PTPRD: variants seen among roughly 807,000 people sequenced by gnomAD.
PTPRD encodes the protein protein tyrosine phosphatase receptor type D, also known as receptor-type tyrosine-protein phosphatase delta.
Under a neutral mutation model 214.5 loss-of-function variants are expected in PTPRD, and 34 were observed. The observed-to-expected ratio is 0.16, with a 90% CI of 0.12 to 0.21. The LOEUF (loss-of-function observed/expected upper bound fraction) is 0.21, where lower values mean the gene tolerates loss of function less well. Among genes scored for constraint, PTPRD ranks in the 10% least tolerant of loss-of-function variants. PTPRD has a pLI of 1.00. For missense variants in PTPRD, 2,545 were observed against 2,398.7 expected (o/e 1.06, Z -1.27); for synonymous variants, 1,128 against 845.7 (o/e 1.33, Z -5.79).
Position 8,707,015 on chromosome 9 carries a change from C to T in PTPRD, c.64+26765G>A, listed in dbSNP as rs113805696. On this transcript the variant is annotated intron_variant, in intron 12 of 45. Coordinates refer to ENST00000381196, the MANE Select transcript of PTPRD (RefSeq NM_002839.4). ...CTGAGTTTTACTATTTTATTACTTC[C>T]TTTAGCAGGGATCAGCTCCAATCAA... 5.4e-3 allele frequency among the ~76,000 whole-genome samples: 817 copies of T among 152,250 alleles called. 5 individuals carry two copies. Among genetic ancestry groups the T allele is most frequent in the African/African-American group, 0.019 (793 of 41,548 alleles).
intron 2 of PTPRD, among the ~76,000 whole-genome samples, chr9:10,354,091 C>G (rs1312865511): frequency 1.3e-5 from 2 of 152,034 alleles, no homozygotes; most frequent in African/African-American, 4.8e-5. Flanking sequence ...ACATTATCCT[C>G]CTACCCTCTC....
intron 2 of PTPRD, among the ~76,000 whole-genome samples, chr9:10,409,006 A>T (rs888737060): frequency 5.9e-5 from 9 of 151,782 alleles, no homozygotes; most frequent in Non-Finnish European, 1.3e-4. Context: ...ATAGATCAGG[A>T]ATTGTCAAGC....
chr9:8,950,607 A>G (rs1337507105), intron 11 of PTPRD, among the ~76,000 whole-genome samples: 1 of 152,172 alleles, frequency 6.6e-6, no homozygotes, highest in East Asian at 1.9e-4. Flanking sequence ...ATACAATAAT[A>G]TATAGGACTC....
intron 11 of PTPRD, among the ~76,000 whole-genome samples, chr9:8,803,138 A>T (rs1336784419): frequency 1.3e-5 from 2 of 152,194 alleles, no homozygotes; most frequent in South Asian, 2.1e-4. Flanking sequence ...TACACAAGAT[A>T]ACGCATGTAA....
chr9:9,788,632 G>A (rs1364219920), intron 5 of PTPRD, among the ~76,000 whole-genome samples: 3 of 151,222 alleles, frequency 2.0e-5, no homozygotes, highest in African/African-American at 7.3e-5. Flanking sequence ...TTTAAATCCC[G>A]TAGACACAGT....
chr9:10,398,618 T>C (rs1458213250), intron 2 of PTPRD, among the ~76,000 whole-genome samples: 1 of 151,992 alleles, frequency 6.6e-6, no homozygotes, highest in African/African-American at 2.4e-5. Context: ...TCTTCCATAA[T>C]GCTTCTTATA....
At chr9:8,911,375 G>A (rs2098745987) in intron 11 of PTPRD, among the ~76,000 whole-genome samples, 1 of 147,522 alleles carries the variant, frequency 6.8e-6, no homozygotes, top group Non-Finnish European at 1.5e-5. Flanking sequence ...TGGGTTGGGA[G>A]AACTGGATGC....
intron 11 of PTPRD, among the ~76,000 whole-genome samples, chr9:8,990,269 G>A (rs2099361208): frequency 6.6e-6 from 1 of 152,172 alleles, no homozygotes; most frequent in Non-Finnish European, 1.5e-5. Context: ...GTCCCACTTA[G>A]AAATAGCCAT....
chr9:9,030,858 A>T (rs1259492408), intron 10 of PTPRD, among the ~76,000 whole-genome samples: 8 of 151,960 alleles, frequency 5.3e-5, no homozygotes, highest in African/African-American at 1.9e-4. Flanking sequence ...TCTATTTTCC[A>T]TACTTAAATC....
intron 39 of PTPRD, among the ~76,000 whole-genome samples, chr9:8,360,659 T>C (rs1342065727): frequency 6.6e-6 from 1 of 152,236 alleles, no homozygotes; most frequent in Non-Finnish European, 1.5e-5. Flanking sequence ...TATTTATATA[T>C]ACATTTTATT....
chr9:9,715,699 T>G (rs977942878), intron 7 of PTPRD, among the ~76,000 whole-genome samples: 5 of 152,186 alleles, frequency 3.3e-5, no homozygotes, highest in African/African-American at 1.2e-4. Flanking sequence ...TATTTGTTCC[T>G]AACAATGAGC....
intron 3 of PTPRD, among the ~76,000 whole-genome samples, chr9:10,293,954 G>A (rs1223810673): frequency 6.6e-6 from 1 of 151,878 alleles, no homozygotes; most frequent in Admixed American, 6.6e-5. Context: ...TATGCCTTCT[G>A]CAAACCCACA....
intron 14 of PTPRD, among the ~76,000 whole-genome samples, chr9:8,604,660 T>C (rs2095093519): frequency 6.6e-6 from 1 of 152,132 alleles, no homozygotes; most frequent in Non-Finnish European, 1.5e-5. Flanking sequence ...CAGATAAATA[T>C]AGCATGAAAA....
intron 3 of PTPRD, among the ~76,000 whole-genome samples, chr9:10,172,501 T>A (rs1457322945): frequency 1.3e-5 from 2 of 152,362 alleles, no homozygotes; most frequent in East Asian, 3.9e-4. Flanking sequence ...TGTTCTAACA[T>A]CTAACCACTT....
chr9:8,585,981 G>C (rs2093622167), intron 14 of PTPRD, among the ~76,000 whole-genome samples: 1 of 148,976 alleles, frequency 6.7e-6, no homozygotes, highest in Admixed American at 6.7e-5. Context: ...ACAATTTGTG[G>C]ATTTAACAAT....
intron 8 of PTPRD, among the ~76,000 whole-genome samples, chr9:9,503,885 T>A (rs910846471): frequency 2.0e-5 from 3 of 151,792 alleles, no homozygotes; most frequent in African/African-American, 4.8e-5. Context: ...AAAAAAATAC[T>A]TCTGAGAGGA....
chr9:9,605,174 C>A (rs746431530), intron 7 of PTPRD, among the ~76,000 whole-genome samples: 10 of 152,026 alleles, frequency 6.6e-5, no homozygotes, highest in Non-Finnish European at 1.0e-4. Context: ...GTCTACATGG[C>A]AATTCTGCAT....
At chr9:8,528,133 C>G (rs756839623) in intron 15 of PTPRD, 1 of 302,482 alleles carries the variant, frequency 3.3e-6, no homozygotes, top group Non-Finnish European at 6.0e-6. Context: ...AGAAAACATA[C>G]TTTAATAAAA....
At chr9:9,594,679 G>T (rs1191597776) in intron 7 of PTPRD, among the ~76,000 whole-genome samples, 1 of 152,052 alleles carries the variant, frequency 6.6e-6, no homozygotes, top group South Asian at 2.1e-4. Flanking sequence ...TGGCCTTATA[G>T]TATAGTTTGA....
Sources: allele counts gnomAD v4.1 joint callset (sites outside exome capture counted in the v4.1 genomes callset), GRCh38; gene constraint gnomAD v4.1.1; transcripts MANE v1.5; gene names NCBI Gene and HGNC (gene_info 2026-07-23, HGNC 2026-07-21).